SEC31B: variants seen among roughly 807,000 people sequenced by gnomAD.
SEC31B encodes the protein SEC31 homolog B, COPII component.
SEC31B carries 113 observed loss-of-function variants against 135.0 expected under a neutral mutation model. The observed-to-expected ratio is 0.84, with a 90% CI of 0.72 to 0.98. SEC31B has a LOEUF of 0.98. Ranked by LOEUF, SEC31B falls within the 50% of genes least tolerant of loss-of-function variation. The pLI, the probability that SEC31B is intolerant of heterozygous loss-of-function variation, is 0.00. For missense variants in SEC31B, 1,296 were observed against 1,421.1 expected (o/e 0.91, Z 1.42); for synonymous variants, 508 against 549.4 (o/e 0.92, Z 1.05).
chr10:100,495,683 T>A, intron 18 of SEC31B, 137 bp from the exon 19 acceptor site: 1 of 980,620 alleles, frequency 1.0e-6, no homozygotes, highest in Non-Finnish European at 1.5e-6. Context: ...TGTTCTGTTC[T>A]GTTTTGTTTT....
chr10:100,498,164 C>T lies in SEC31B; in HGVS notation c.1728G>A (p.Leu576=), dbSNP rs1706493748. The T allele has an allele frequency of 6.2e-7, 1 of 1,614,092 alleles. No individual in the cohort carries two copies. Among genetic ancestry groups the T allele is most frequent in the African/African-American group, 1.3e-5 (1 of 74,916 alleles). ...TCAGACACAGCTCCACGGCCGGACCCAGTTCCCCAAGCAGGAGAGCCTGGC... is the reference window on the plus strand; with the variant it reads ...TCAGACACAGCTCCACGGCCGGACCTAGTTCCCCAAGCAGGAGAGCCTGGC... The part of the protein sequence containing the change: ...LLSQALLLGE[L]GPAVELCLKE... The change falls in exon 15 of 26, where the codon CTG becomes CTA. Residue 576 remains leucine, a synonymous_variant. Transcript: ENST00000370345.
At chr10:100,491,190 A>G (rs1851294357) in intron 19 of SEC31B, among the ~76,000 whole-genome samples, 1 of 152,228 alleles carries the variant, frequency 6.6e-6, no homozygotes, top group South Asian at 2.1e-4. Flanking sequence ...CTCAAGAACC[A>G]TAAACTACCA....
chr10:100,510,738 G>C (rs549556600), intron 3 of SEC31B, among the ~76,000 whole-genome samples: 1 of 152,242 alleles, frequency 6.6e-6, no homozygotes, highest in African/African-American at 2.4e-5. Context: ...CAGAAGCAAA[G>C]TATGGAGAAC....
At chr10:100,499,351 C>T in intron 12 of SEC31B, 93 bp from the exon 13 acceptor site, 1 of 1,141,024 alleles carries the variant, frequency 8.8e-7, no homozygotes, top group South Asian at 1.3e-5. Context: ...ACCAACTGTA[C>T]TCTCTAAGAT....
chr10:100,498,588 G>T, intron 14 of SEC31B, 117 bp downstream of exon 14: 1 of 716,028 alleles, frequency 1.4e-6, no homozygotes, highest in Non-Finnish European at 2.4e-6. Flanking sequence ...CTCAGCATTT[G>T]AGACGGTGGG....
At chr10:100,509,200 C>T in intron 4 of SEC31B, 98 bp from the exon 5 acceptor site, 1 of 1,499,348 alleles carries the variant, frequency 6.7e-7, no homozygotes, top group Non-Finnish European at 9.2e-7. Flanking sequence ...CAAAAGCCTC[C>T]CCTGAAACAG....
In SEC31B at chr10:100,502,318, T is replaced by A. The variant is rs750941722; in HGVS notation, c.1346A>T (p.Tyr449Phe). 4.2e-5 allele frequency: 67 copies of A among 1,614,032 alleles called. No homozygotes were observed. Among genetic ancestry groups the A allele is most frequent in the Non-Finnish European group, 5.6e-5 (66 of 1,180,024 alleles). ...EALGSGNLLNYCQNKSQQALL... is the reference protein window; with the variant it reads ...EALGSGNLLNFCQNKSQQALL... Reference sequence around the variant, plus strand: ...AGCTTGCTGGCTCTTGTTCTGACAGTAATTCAGTAGATTTCCTGATCCCAA... The same window carrying A: ...AGCTTGCTGGCTCTTGTTCTGACAGAAATTCAGTAGATTTCCTGATCCCAA... Residue 449 changes from tyrosine (Y) to phenylalanine (F), a missense_variant, in exon 11 of 26, where the codon TAC becomes TTC. By Grantham distance (22) the Tyr-to-Phe change is conservative (BLOSUM62 3). Coordinates refer to ENST00000370345, the MANE Select transcript of SEC31B (RefSeq NM_015490.4).
rs1260208223 is a variant in SEC31B at position 100,497,903 on chromosome 10, T to G, written c.1864-110A>C. ...CACTGAGTAGGGGCAAGGGATGAGG[T>G]GGGGGTGGTTAGAGTAGAAAGAGAG... is the stretch of plus-strand genomic sequence containing the variant. On this transcript the variant is annotated intron_variant, in intron 15 of 25. Transcript: ENST00000370345. The G allele has an allele frequency of 2.5e-6, 4 of 1,588,352 alleles. No individual in the cohort carries two copies. In the East Asian group the frequency reaches 9.0e-5, roughly 36 times the overall value.
At position 100,496,451 on chromosome 10, in the gene SEC31B, G is replaced by A. The variant is rs41310316; in HGVS notation, c.2137-20C>T. The A allele has an allele frequency of 5.8e-3, 9,374 of 1,613,192 alleles. 47 individuals are homozygous for A. Among genetic ancestry groups the A allele is most frequent in the Non-Finnish European group, 7.3e-3 (8,591 of 1,179,442 alleles). ...CAGGTCCTGTAAGGGCAAGGATGAG[G>A]GTGGTAAGCCTTCAATGAGGCATAT... On this transcript the variant is annotated intron_variant, in intron 17 of 25. Coordinates refer to ENST00000370345, the MANE Select transcript of SEC31B (RefSeq NM_015490.4).
intron 3 of SEC31B, among the ~76,000 whole-genome samples, chr10:100,514,040 C>T (rs1386930811): frequency 6.6e-6 from 1 of 151,778 alleles, no homozygotes. Flanking sequence ...CAAAAATTAG[C>T]TGGGCATGGT....
chr10:100,493,274 G>T (rs967874345), intron 19 of SEC31B, among the ~76,000 whole-genome samples: 2 of 151,930 alleles, frequency 1.3e-5, no homozygotes, highest in Non-Finnish European at 2.9e-5. Flanking sequence ...TCGGGAGGCT[G>T]AGGCAGGAGA....
At position 100,487,711 on chromosome 10, in the gene SEC31B, C is replaced by T. The variant is rs1276440432; in HGVS notation, c.3445G>A (p.Ala1149Thr). Residue 1149 changes from alanine (A) to threonine (T), a missense_variant, in exon 26 of 26, where the codon GCC becomes ACC. By Grantham distance (58) the Ala-to-Thr change is moderately conservative. Transcript: ENST00000370345. ...AAGCTGCTACAGCCCGCCACCTGGG[C>T]ATGCACTGCAAGGCCCTGCTCAAAG... is the stretch of plus-strand genomic sequence containing the variant. The part of the protein sequence containing the change: ...GSFEQGLAVH[A>T]QVAGCSSFSE... 2.5e-6 allele frequency: 4 copies of T among 1,613,954 alleles called. No homozygotes were observed. Among genetic ancestry groups the T allele is most frequent in the East Asian group, 2.2e-5 (1 of 44,866 alleles).
In SEC31B at chr10:100,488,017, C is replaced by CTG. The variant is rs763172466; in HGVS notation, c.3360+8_3360+9dup. On this transcript the variant is annotated intron_variant, in intron 25 of 25. Coordinates refer to ENST00000370345, the MANE Select transcript of SEC31B (RefSeq NM_015490.4). ...TAGGAGGCAGTGGGAGCACAGCTAG[C>CTG]TGTACTTACTGTCCCCTCACAGAGC... is the stretch of plus-strand genomic sequence containing the variant. 166 of 1,611,092 alleles carry CTG rather than the reference C, an allele frequency of 1.0e-4. No homozygotes were observed. Among genetic ancestry groups the CTG allele is most frequent in the Non-Finnish European group, 1.4e-4 (165 of 1,177,348 alleles).
intron 24 of SEC31B, 29 bp downstream of exon 24, chr10:100,488,829 A>AG: frequency 1.3e-6 from 2 of 1,550,956 alleles, no homozygotes; most frequent in Non-Finnish European, 1.7e-6. Context: ...GGGTGCGAGG[A>AG]GGGCACTGTG....
chr10:100,511,120 G>T (rs1215798494), intron 3 of SEC31B, among the ~76,000 whole-genome samples: 1 of 152,240 alleles, frequency 6.6e-6, no homozygotes, highest in African/African-American at 2.4e-5. Context: ...CAAAGGGCTG[G>T]AAAAGAGGGC....
intron 19 of SEC31B, among the ~76,000 whole-genome samples, chr10:100,492,513 C>T (rs1307449115): frequency 6.6e-6 from 1 of 152,204 alleles, no homozygotes; most frequent in Non-Finnish European, 1.5e-5. Flanking sequence ...TGAGCCACAG[C>T]GCCTGGCTTA....
chr10:100,502,118 G>C (rs1450086244), intron 11 of SEC31B, 136 bp downstream of exon 11: 1 of 693,778 alleles, frequency 1.4e-6, no homozygotes, highest in Admixed American at 2.4e-5. Flanking sequence ...GGTATAGTGT[G>C]GGGGAAAAAC....
chr10:100,497,715 C>T lies in SEC31B; in HGVS notation c.1942G>A (p.Ala648Thr). Residue 648 changes from alanine (A) to threonine (T), a missense_variant, in exon 16 of 26, where the codon GCT (alanine) becomes ACT (threonine). Transcript: ENST00000370345. ...CSLKNWREAL[A>T]LLLTYSGTEK... ...GTGCCTGAGTATGTCAGTAGCAAAG[C>T]CAGTGCCTCTCTCCAGTTCTTCAGG... The T allele has an allele frequency of 6.2e-7, 1 of 1,614,228 alleles. No individual in the cohort carries two copies. Among genetic ancestry groups the T allele is most frequent in the African/African-American group, 1.3e-5 (1 of 75,058 alleles).
chr10:100,516,013 C>T, intron 3 of SEC31B, 83 bp downstream of exon 3: 2 of 1,512,966 alleles, frequency 1.3e-6, no homozygotes, highest in Non-Finnish European at 1.8e-6. Flanking sequence ...CTTGGCTCCT[C>T]ATGAGCCCTA....
Sources: allele counts gnomAD v4.1 joint callset (sites outside exome capture counted in the v4.1 genomes callset), GRCh38; gene constraint gnomAD v4.1.1; transcripts MANE v1.5; gene names NCBI Gene and HGNC (gene_info 2026-07-23, HGNC 2026-07-21).